The following ROR2 variants were observed in gnomAD, a reference collection of about 807,000 sequenced individuals.
ROR2 encodes the protein ROR family WNT receptor 2.
Under a neutral mutation model 74.9 loss-of-function variants are expected in ROR2, and 33 were observed. That is an observed-to-expected ratio of 0.44 (90% confidence interval 0.33 to 0.59). The LOEUF (loss-of-function observed/expected upper bound fraction) is 0.59. Among genes scored for constraint, ROR2 ranks in the 20% least tolerant of loss-of-function variants. The probability of loss-of-function intolerance (pLI) is 0.02; values close to 1 mark genes in which losing one functional copy is unlikely to be tolerated. For synonymous variants in ROR2, 586 were observed against 558.7 expected (o/e 1.05, Z -0.69); for missense variants, 1,216 against 1,313.8 (o/e 0.93, Z 1.15).
In ROR2 at chr9:91,848,436, A is replaced by C. The variant is rs1245200508; in HGVS notation, c.98-72618T>G. On this transcript the variant is annotated intron_variant, in intron 1 of 8. Transcript: ENST00000375708. ...CTCTGCTCAGTGCCATCTGTGTTTT[A>C]ATCAATCTGGCTAACGCTTAATTTT... Among the ~76,000 whole-genome samples, 3 of 152,162 alleles carry C rather than the reference A, an allele frequency of 2.0e-5. No individual in the cohort carries two copies. The South Asian group carries it at 6.2e-4, about 32-fold the overall frequency.
chr9:91,794,995 G>A (rs1269706104), intron 1 of ROR2, among the ~76,000 whole-genome samples: 5 of 151,054 alleles, frequency 3.3e-5, no homozygotes, highest in African/African-American at 9.7e-5. Context: ...GGTGGCAGGC[G>A]CCTGTAATCC....
In ROR2 at chr9:91,817,917, C is replaced by G. The variant is rs891411536; in HGVS notation, c.98-42099G>C. ...TAGCGTCTCCAGCTTTTGTTTATAG[C>G]TGTTCCAGACGATCTGAAAATTATC... On this transcript the variant is annotated intron_variant, in intron 1 of 8. Coordinates refer to ENST00000375708, the MANE Select transcript of ROR2 (RefSeq NM_004560.4). 3.3e-5 allele frequency among the ~76,000 whole-genome samples: 5 copies of G among 152,220 alleles called. No homozygotes were observed. The East Asian group carries it at 9.6e-4, about 29-fold the overall frequency.
At chr9:91,802,886 C>A (rs1392013649) in intron 1 of ROR2, among the ~76,000 whole-genome samples, 1 of 152,172 alleles carries the variant, frequency 6.6e-6, no homozygotes, top group Non-Finnish European at 1.5e-5. Context: ...CAACAAACTT[C>A]AGCAGACATT....
At chr9:91,761,927 G>T (rs1825925875) in intron 2 of ROR2, among the ~76,000 whole-genome samples, 2 of 152,054 alleles carry the variant, frequency 1.3e-5, no homozygotes, top group African/African-American at 4.8e-5. Flanking sequence ...GCTATATAAA[G>T]CCCTCATTTT....
chr9:91,881,788 G>C (rs2119366419), intron 1 of ROR2, among the ~76,000 whole-genome samples: 1 of 152,332 alleles, frequency 6.6e-6, no homozygotes, highest in African/African-American at 2.4e-5. Flanking sequence ...AGGGTTTGTA[G>C]AGAAAAGCCC....
At chr9:91,920,520 CA>C (rs1250963149) in intron 1 of ROR2, among the ~76,000 whole-genome samples, 1 of 152,086 alleles carries the variant, frequency 6.6e-6, no homozygotes, top group Non-Finnish European at 1.5e-5. Flanking sequence ...AGAAAAAGAA[CA>C]AGTACACAAT....
chr9:91,943,164 G>A (rs769601272), intron 1 of ROR2, among the ~76,000 whole-genome samples: 28 of 151,974 alleles, frequency 1.8e-4, no homozygotes, highest in Non-Finnish European at 3.1e-4. Context: ...ACTCACTTGC[G>A]TTCTAACACA....
intron 1 of ROR2, among the ~76,000 whole-genome samples, chr9:91,890,899 A>G (rs1036811326): frequency 1.7e-4 from 26 of 152,222 alleles, no homozygotes; most frequent in African/African-American, 5.8e-4. Flanking sequence ...AAGCATTTAT[A>G]GCATCCACTG....
At position 91,726,550 on chromosome 9, in the gene ROR2, C is replaced by T; in HGVS notation, c.1377G>A (p.Gln459=). The T allele has an allele frequency of 1.2e-6, 2 of 1,612,284 alleles. No individual in the cohort carries two copies. Among genetic ancestry groups the T allele is most frequent in the Non-Finnish European group, 8.5e-7 (1 of 1,180,000 alleles). ...SQDMEMPLIN[Q]HKQAKLKEIS... is the part of the protein sequence containing the mutation. ...TGTAAGGCATGGAGACCTGTTTGTG[C>T]TGGTTAATGAGGGGCATTTCCATGT... The change falls in exon 8 of 9, where the codon CAG becomes CAA. Residue 459 remains glutamine, a synonymous_variant. Coordinates refer to ENST00000375708, the MANE Select transcript of ROR2 (RefSeq NM_004560.4).
intron 5 of ROR2, 31 bp downstream of exon 5, chr9:91,737,360 T>C (rs770557725): frequency 1.2e-6 from 2 of 1,613,974 alleles, no homozygotes; most frequent in South Asian, 1.1e-5. Context: ...TGCATGCTTA[T>C]CATCCTGGGA....
intron 4 of ROR2, among the ~76,000 whole-genome samples, chr9:91,743,878 T>C (rs1315953080): frequency 1.3e-5 from 2 of 152,222 alleles, no homozygotes; most frequent in African/African-American, 4.8e-5. Flanking sequence ...AATATTGAAA[T>C]GAAAACATGT....
chr9:91,882,828 A>G (rs765698056), intron 1 of ROR2, among the ~76,000 whole-genome samples: 5 of 152,180 alleles, frequency 3.3e-5, no homozygotes, highest in Non-Finnish European at 7.4e-5. Context: ...CTGCCAGCCA[A>G]GGAGAAAGGC....
At chr9:91,859,685 C>T (rs1829410393) in intron 1 of ROR2, among the ~76,000 whole-genome samples, 1 of 152,024 alleles carries the variant, frequency 6.6e-6, no homozygotes, top group Admixed American at 6.6e-5. Context: ...ATTAGCCGGT[C>T]GTGGTGGTGC....
intron 1 of ROR2, among the ~76,000 whole-genome samples, chr9:91,832,765 GA>G (rs1428191570): frequency 1.3e-5 from 2 of 152,148 alleles, no homozygotes; most frequent in Non-Finnish European, 2.9e-5. Flanking sequence ...TATCTCCTAC[GA>G]GTTTTGTTTC....
At chr9:91,809,328 T>C (rs377331706) in intron 1 of ROR2, among the ~76,000 whole-genome samples, 1 of 152,196 alleles carries the variant, frequency 6.6e-6, no homozygotes. Context: ...CAGTTGAGAC[T>C]CCTTTTCAGC....
At chr9:91,893,384 G>A (rs1830469571) in intron 1 of ROR2, among the ~76,000 whole-genome samples, 1 of 152,016 alleles carries the variant, frequency 6.6e-6, no homozygotes, top group African/African-American at 2.4e-5. Context: ...CGGTTGCAGT[G>A]AGCCAAGATC....
intron 1 of ROR2, among the ~76,000 whole-genome samples, chr9:91,886,244 A>G (rs977105993): frequency 1.3e-5 from 2 of 152,150 alleles, no homozygotes; most frequent in Admixed American, 1.3e-4. Context: ...GGGGTTTCAC[A>G]TTTAGAGGAG....
intron 1 of ROR2, 60 bp downstream of exon 1, chr9:91,949,807 G>A: frequency 1.8e-6 from 2 of 1,095,202 alleles, no homozygotes; most frequent in Non-Finnish European, 2.7e-6. Flanking sequence ...GGCGGCGGAA[G>A]GGCTGGCCAA....
intron 1 of ROR2, 28 bp downstream of exon 1, chr9:91,949,839 G>A: frequency 7.1e-7 from 1 of 1,407,796 alleles, no homozygotes; most frequent in Non-Finnish European, 9.8e-7. Flanking sequence ...GCTACCGTCT[G>A]CGCACAAGCC....
Sources: allele counts gnomAD v4.1 joint callset (sites outside exome capture counted in the v4.1 genomes callset), GRCh38; gene constraint gnomAD v4.1.1; transcripts MANE v1.5; gene names NCBI Gene and HGNC (gene_info 2026-07-23, HGNC 2026-07-21).